LINGO2: variants seen among roughly 807,000 people sequenced by gnomAD.
LINGO2 encodes the protein leucine-rich repeat and immunoglobulin-like domain-containing nogo receptor-interacting protein 2.
LINGO2 carries 14 observed loss-of-function variants against 30.6 expected under a neutral mutation model. That is an observed-to-expected ratio of 0.46 (90% CI 0.30 to 0.72). The LOEUF (loss-of-function observed/expected upper bound fraction) is 0.72. LINGO2 is among the 30% of genes least tolerant of loss of function. LINGO2 has a pLI of 0.07. For synonymous variants in LINGO2, 317 were observed against 288.5 expected (o/e 1.10, Z -1.00); for missense variants, 729 against 751.7 (o/e 0.97, Z 0.35).
At chr9:28,373,900 CAAAA>C (rs5897288) in intron 2 of LINGO2, among the ~76,000 whole-genome samples, 1 of 93,044 alleles carries the variant, frequency 1.1e-5, no homozygotes, top group South Asian at 3.7e-4. Context: ...AACTCCATCT[CAAAA>C]AAAAAAAAAA....
chr9:27,949,371 G>A (rs749322030), exon 6 of LINGO2: 2 of 1,613,966 alleles, frequency 1.2e-6, no homozygotes, highest in East Asian at 2.2e-5. Context: ...GTCTCCATCT[G>A]CACTGCATTC....
chr9:28,000,167 G>T (rs1281276541), intron 5 of LINGO2, among the ~76,000 whole-genome samples: 1 of 152,140 alleles, frequency 6.6e-6, no homozygotes, highest in African/African-American at 2.4e-5. Flanking sequence ...TCTATGGAGG[G>T]TATTGTATTA....
In LINGO2 at chr9:28,329,597, A is replaced by C. The variant is rs549465559; in HGVS notation, c.-245-34231T>G. On this transcript the variant is annotated intron_variant, in intron 3 of 5. Coordinates refer to ENST00000379992, the Ensembl canonical transcript of LINGO2. The surrounding 1 kb of genome is among the most constrained non-coding windows in gnomAD (Gnocchi z 4.5). ...GCCAGGATATCCAAGCATACACAAAAATTCTTTATATAATTGCACTTGCTA... is the reference window on the plus strand; with the variant it reads ...GCCAGGATATCCAAGCATACACAAACATTCTTTATATAATTGCACTTGCTA... 5.3e-5 allele frequency among the ~76,000 whole-genome samples: 8 copies of C among 152,146 alleles called. No individual in the cohort carries two copies. Among genetic ancestry groups the C allele is most frequent in the Admixed American group, 5.2e-4 (8 of 15,288 alleles).
At chr9:28,575,096 G>A (rs907972305) in intron 1 of LINGO2, among the ~76,000 whole-genome samples, 2 of 151,974 alleles carry the variant, frequency 1.3e-5, no homozygotes, top group East Asian at 1.9e-4. Context: ...TTCATGAACC[G>A]ATGCAGAAAT....
intron 1 of LINGO2, among the ~76,000 whole-genome samples, chr9:28,649,902 G>T (rs1828014043): frequency 6.6e-6 from 1 of 152,082 alleles, no homozygotes; most frequent in Non-Finnish European, 1.5e-5. Flanking sequence ...CCCTCAGAAG[G>T]CAGAGACCAG....
At chr9:28,022,487 G>A (rs1006401865) in intron 4 of LINGO2, among the ~76,000 whole-genome samples, 2 of 152,034 alleles carry the variant, frequency 1.3e-5, no homozygotes, top group Non-Finnish European at 2.9e-5. Context: ...TCTGCAGAGT[G>A]GTCTTCTGGT....
chr9:28,723,554 A>G, the LINGO2 span, among the ~76,000 whole-genome samples: 1 of 152,098 alleles, frequency 6.6e-6, no homozygotes, highest in African/African-American at 2.4e-5. Flanking sequence ...ATGGATTACA[A>G]AAGAGTGACA....
chr9:28,584,158 A>T (rs1824410446), intron 1 of LINGO2, among the ~76,000 whole-genome samples: 1 of 152,062 alleles, frequency 6.6e-6, no homozygotes, highest in South Asian at 2.1e-4. Flanking sequence ...AAACAGATTT[A>T]GACACATGCC....
chr9:28,988,485 G>C, the LINGO2 span, among the ~76,000 whole-genome samples: 1 of 151,962 alleles, frequency 6.6e-6, no homozygotes, highest in East Asian at 1.9e-4. Flanking sequence ...AAATCCATTT[G>C]GTCACTCTAT....
the LINGO2 span, among the ~76,000 whole-genome samples, chr9:28,769,498 ATATATATATATATATATATAT>A: frequency 5.9e-4 from 5 of 8,518 alleles, no homozygotes; most frequent in Admixed American, 1.4e-3. Context: ...ATATATATAT[ATATATATATATATATATATAT>A]TTTTTTTTTT....
intron 4 of LINGO2, among the ~76,000 whole-genome samples, chr9:28,176,769 T>C (rs1427581610): frequency 6.6e-6 from 1 of 152,186 alleles, no homozygotes; most frequent in Non-Finnish European, 1.5e-5. Flanking sequence ...TGGTTTGATA[T>C]AGACAATTGC....
At chr9:28,149,172 T>C in intron 4 of LINGO2, 6 of 1,348,004 alleles carry the variant, frequency 4.5e-6, no homozygotes, top group Non-Finnish European at 6.1e-6. Context: ...TTCAGGAGAG[T>C]AAGAGAGCTG....
At chr9:28,670,056 C>G (rs1377196944) in intron 1 of LINGO2, 144 bp downstream of exon 3, 1 of 151,766 alleles carries the variant, frequency 6.6e-6, no homozygotes, top group East Asian at 1.9e-4. Flanking sequence ...ATTAGAGGAA[C>G]TAATTAAATA....
the LINGO2 span, among the ~76,000 whole-genome samples, chr9:28,916,557 T>G: frequency 2.0e-5 from 3 of 152,146 alleles, no homozygotes; most frequent in Non-Finnish European, 4.4e-5. Flanking sequence ...AGTTAGAAAA[T>G]CTTTTAATCA....
the LINGO2 span, among the ~76,000 whole-genome samples, chr9:28,964,456 A>G: frequency 6.6e-6 from 1 of 152,006 alleles, no homozygotes; most frequent in South Asian, 2.1e-4. Context: ...CATGATATAC[A>G]TGGAAACCTC....
chr9:29,184,999 T>TGTTGTTTTCATAAGTC, the LINGO2 span, among the ~76,000 whole-genome samples: 1 of 152,218 alleles, frequency 6.6e-6, no homozygotes, highest in Non-Finnish European at 1.5e-5. Flanking sequence ...TTGTTGTTGT[T>TGTTGTTTTCATAAGTC]GTTGTTTTCA....
chr9:28,963,939 A>G, the LINGO2 span, among the ~76,000 whole-genome samples: 1 of 151,976 alleles, frequency 6.6e-6, no homozygotes, highest in Non-Finnish European at 1.5e-5. Context: ...AAATATTACC[A>G]AGACAAAGAA....
chr9:28,876,616 T>A, the LINGO2 span, among the ~76,000 whole-genome samples: 1 of 152,174 alleles, frequency 6.6e-6, no homozygotes, highest in East Asian at 1.9e-4. Flanking sequence ...TTCCATGGTG[T>A]ATATGTGCCA....
the LINGO2 span, among the ~76,000 whole-genome samples, chr9:28,826,680 A>C: frequency 6.6e-6 from 1 of 152,328 alleles, no homozygotes; most frequent in East Asian, 1.9e-4. Flanking sequence ...TGGCAGGCTA[A>C]ATGATAATCA....
Sources: gnomAD v4.1 joint callset for allele counts (sites outside exome capture counted in the v4.1 genomes callset) on GRCh38, gnomAD v4.1.1 for gene constraint, Gnocchi (gnomAD v3.1) non-coding constraint, MANE v1.5 for transcripts, NCBI Gene and HGNC (gene_info 2026-07-23, HGNC 2026-07-21) for gene names.